PLA2G4B: variants seen among roughly 807,000 people sequenced by gnomAD.
PLA2G4B encodes the protein cytosolic phospholipase A2 beta.
In PLA2G4B, 122 loss-of-function variants were observed where a neutral mutation model predicts 95.8. The observed-to-expected ratio is 1.27, with a 90% CI of 1.10 to 1.48. PLA2G4B has a LOEUF of 1.48. Ranked by LOEUF, PLA2G4B falls within the 40% of genes most tolerant of loss-of-function variation. The pLI is 0.00. For missense variants in PLA2G4B, 1,158 were observed against 996.2 expected (o/e 1.16, Z -2.19); for synonymous variants, 518 against 421.5 (o/e 1.23, Z -2.80).
chr15:41,841,043 C>G lies in PLA2G4B; in HGVS notation c.352-12C>G. The G allele has an allele frequency of 6.4e-7, 1 of 1,572,792 alleles. No individual in the cohort carries two copies. Among genetic ancestry groups the G allele is most frequent in the Non-Finnish European group, 8.6e-7 (1 of 1,156,696 alleles). Reference sequence around the variant, plus strand: ...CTGACCCTTTCTAACTTACTTCTGGCTCTCTTCCCAGGGTGAGGGGCGCCT... The same window carrying G: ...CTGACCCTTTCTAACTTACTTCTGGGTCTCTTCCCAGGGTGAGGGGCGCCT... On this transcript the variant is annotated splice_polypyrimidine_tract_variant and intron_variant, in intron 4 of 19. Coordinates refer to ENST00000458483, the MANE Select transcript of PLA2G4B (RefSeq NM_001114633.2).
At chr15:41,840,427 TCTTAACCCACATGGGG>T (rs1171193725) in intron 2 of PLA2G4B, 81 bp from the exon 3 acceptor site, 1 of 1,603,262 alleles carries the variant, frequency 6.2e-7, no homozygotes, top group African/African-American at 1.3e-5. Flanking sequence ...TCCCCCTCAG[TCTTAACCCACATGGGG>T]CTCTAGGTGA....
At chr15:41,843,382 G>C (rs1016472004) in intron 10 of PLA2G4B, among the ~76,000 whole-genome samples, 6 of 152,172 alleles carry the variant, frequency 3.9e-5, no homozygotes, top group African/African-American at 7.2e-5. Flanking sequence ...GACTTGGAGG[G>C]GGGGGATCTA....
chr15:41,843,351 T>G, intron 10 of PLA2G4B: 3 of 241,918 alleles, frequency 1.2e-5, no homozygotes, highest in East Asian at 8.7e-5. Context: ...TTGAACTCCG[T>G]GGGTAAGGGA....
At chr15:41,843,627 T>C in intron 10 of PLA2G4B, 49 bp from the exon 11 acceptor site, 1 of 1,590,708 alleles carries the variant, frequency 6.3e-7, no homozygotes, top group South Asian at 1.1e-5. Context: ...CTTTCCATTC[T>C]CTGGGGAGGG....
chr15:41,845,006 T>G lies in PLA2G4B; in HGVS notation c.1175T>G (p.Leu392Trp), dbSNP rs1567171660. 1 of 1,606,688 alleles carries G rather than the reference T, an allele frequency of 6.2e-7. No homozygotes were observed. Residue 392 changes from leucine (L) to tryptophan (W), a missense_variant, in exon 13 of 20, where the codon TTG becomes TGG. Leu to Trp is a moderately conservative substitution (Grantham distance 61, BLOSUM62 -2). Coordinates refer to ENST00000458483, the MANE Select transcript of PLA2G4B (RefSeq NM_001114633.2). ...YRQELAERAR[L>W]GYPSCFTNLW... ...CAGGAGCTGGCCGAGCGTGCCCGCT[T>G]GGGCTACCCAAGCTGCTTCACCAAC...
rs986214833 is a variant in PLA2G4B, at chr15:41,841,646, C to T, written c.490+75C>T. Reference sequence around the variant, plus strand: ...CCCCCTTTAAGCATTGGACAATTCTCCTTGGGGCCTGAGCTTTCCCCTTAG... The same window carrying T: ...CCCCCTTTAAGCATTGGACAATTCTTCTTGGGGCCTGAGCTTTCCCCTTAG... On this transcript the variant is annotated intron_variant, in intron 7 of 19. Transcript: ENST00000458483. The T allele has an allele frequency of 2.0e-5, 32 of 1,601,504 alleles. No homozygotes were observed. The Admixed American group carries it at 3.6e-4, about 18-fold the overall frequency.
At position 41,846,793 on chromosome 15, in the gene PLA2G4B, C is replaced by T. The variant is rs1195210576; in HGVS notation, c.1905C>T (p.Asp635=). The part of the protein sequence containing the change: ...LPLLQPTRDV[D]LILSLDYNLH... Reference sequence around the variant, plus strand: ...TCCTGCAGCCCACTCGGGACGTGGACCTCATCCTGTCATTGGACTACAACC... The same window carrying T: ...TCCTGCAGCCCACTCGGGACGTGGATCTCATCCTGTCATTGGACTACAACC... The change falls in exon 18 of 20, where the codon GAC becomes GAT. Residue 635 remains aspartate, a synonymous_variant. Coordinates refer to ENST00000458483, the MANE Select transcript of PLA2G4B (RefSeq NM_001114633.2). 6 of 1,613,714 alleles carry T rather than the reference C, an allele frequency of 3.7e-6. No individual in the cohort carries two copies. In the African/African-American group the frequency reaches 5.3e-5, roughly 14 times the overall value.
intron 7 of PLA2G4B, 75 bp from the exon 8 acceptor site, chr15:41,841,744 C>G: frequency 6.3e-7 from 1 of 1,585,230 alleles, no homozygotes; most frequent in Non-Finnish European, 8.6e-7. Context: ...AGGTGCCCTC[C>G]AGGCCACGCA....
Position 41,847,719 on chromosome 15 carries a change from C to T in PLA2G4B, c.2205C>T (p.His735=), listed in dbSNP as rs781027752. The T allele has an allele frequency of 6.2e-6, 10 of 1,613,678 alleles. No homozygotes were observed. Among genetic ancestry groups the T allele is most frequent in the Non-Finnish European group, 8.5e-6 (10 of 1,180,058 alleles). Residue 735 remains histidine, a synonymous_variant, in exon 20 of 20, where the codon CAC becomes CAT. Transcript: ENST00000458483. Reference sequence around the variant, plus strand: ...TGTCTTCATCGGACTCTCCCTACCACTACACGAAGGTGACCTACAGCCAGG... The same window carrying T: ...TGTCTTCATCGGACTCTCCCTACCATTACACGAAGGTGACCTACAGCCAGG... ...VNLSSSDSPY[H]YTKVTYSQED...
At chr15:41,840,084 C>G (rs1398822148) in intron 1 of PLA2G4B, 74 bp from the exon 2 acceptor site, 2 of 1,551,856 alleles carry the variant, frequency 1.3e-6, no homozygotes, top group Non-Finnish European at 1.8e-6. Context: ...GGCACTGCTC[C>G]AGCCTCCTTT....
chr15:41,844,839 T>A lies in PLA2G4B; in HGVS notation c.1017-9T>A. ...ACAGCCCTCTGGCTTTGGCTTTGGCTTTTCCCAGGGCCTTGGCCAACCTTT... is the reference window on the plus strand; with the variant it reads ...ACAGCCCTCTGGCTTTGGCTTTGGCATTTCCCAGGGCCTTGGCCAACCTTT... On this transcript the variant is annotated splice_polypyrimidine_tract_variant and intron_variant, in intron 12 of 19. Coordinates refer to ENST00000458483, the MANE Select transcript of PLA2G4B (RefSeq NM_001114633.2). 8.7e-7 allele frequency: 1 copy of A among 1,146,714 alleles called. No homozygotes were observed. The allele number at this position is 1,146,714 out of a possible 1,614,324, so 71.0% of individuals were successfully genotyped here.
rs1466789342 is a variant in PLA2G4B at position 41,845,309 on chromosome 15, T to C, written c.1346T>C (p.Phe449Ser). The C allele has an allele frequency of 1.2e-6, 2 of 1,613,830 alleles. No homozygotes were observed. The highest frequency in any genetic ancestry group is 1.7e-6 in the Non-Finnish European group (2 of 1,179,900). The change falls in exon 14 of 20, where the codon TTT becomes TCT. Residue 449 changes from phenylalanine (F) to serine (S), a missense_variant. By Grantham distance (155) the Phe-to-Ser change is radical. Transcript: ENST00000458483. ...ACCAAAGGGCAGAGCCTGACCACTT[T>C]TGAATTTGGGGGTGAGTGGCCCAAG... is the stretch of plus-strand genomic sequence containing the variant. ...LNTKGQSLTTFEFGEWCEFSP... is the reference protein window; with the variant it reads ...LNTKGQSLTTSEFGEWCEFSP...
At chr15:41,845,816 G>C (rs1364818604) in intron 15 of PLA2G4B, 41 bp downstream of exon 15, 6 of 1,559,012 alleles carry the variant, frequency 3.8e-6, no homozygotes, top group Non-Finnish European at 5.2e-6. Context: ...GGCCGAGCAG[G>C]GAAAATGGGT....
chr15:41,847,366 G>C lies in PLA2G4B; in HGVS notation c.1977G>C (p.Gln659His). Residue 659 changes from glutamine (Q) to histidine (H), a missense_variant, in exon 19 of 20, where the codon CAG becomes CAC. By Grantham distance (24) the Gln-to-His change is conservative. Transcript: ENST00000458483. The part of the protein sequence containing the change: ...QQLQLLGRFC[Q>H]EQGIPFPPIS... ...TGCAGCTCCTGGGCCGGTTCTGCCAGGAGCAGGGGATCCCGTTCCCACCCA... is the reference window on the plus strand; with the variant it reads ...TGCAGCTCCTGGGCCGGTTCTGCCACGAGCAGGGGATCCCGTTCCCACCCA... 1 of 1,608,916 alleles carries C rather than the reference G, an allele frequency of 6.2e-7. No homozygotes were observed. Among genetic ancestry groups the C allele is most frequent in the Non-Finnish European group, 8.5e-7 (1 of 1,177,722 alleles).
At position 41,846,257 on chromosome 15, in the gene PLA2G4B, G is replaced by A. The variant is rs770058261; in HGVS notation, c.1655G>A (p.Arg552Lys). The A allele has an allele frequency of 1.9e-5, 31 of 1,613,972 alleles. No homozygotes were observed. Among genetic ancestry groups the A allele is most frequent in the Non-Finnish European group, 2.5e-5 (29 of 1,179,996 alleles). The part of the protein sequence containing the change: ...KIEEPPSTAG[R>K]IAEFFTDLLT... ...GAAGAACCACCCTCAACAGCCGGCA[G>A]GATAGCTGAGTTTTTCACCGATCTT... Residue 552 changes from arginine (R) to lysine (K), a missense_variant, in exon 17 of 20, where the codon AGG becomes AAG. Physicochemically the swap from Arg to Lys is conservative, Grantham distance 26. Coordinates refer to ENST00000458483, the MANE Select transcript of PLA2G4B (RefSeq NM_001114633.2).
At position 41,841,839 on chromosome 15, in the gene PLA2G4B, C is replaced by G; in HGVS notation, c.511C>G (p.Leu171Val). 1.2e-6 allele frequency: 2 copies of G among 1,613,582 alleles called. No homozygotes were observed. The highest frequency in any genetic ancestry group is 1.7e-6 in the Non-Finnish European group (2 of 1,179,876). Residue 171 changes from leucine (L) to valine (V), a missense_variant, in exon 8 of 20, where the codon CTT becomes GTT. Physicochemically the swap from Leu to Val is conservative, Grantham distance 32 (BLOSUM62 1). Coordinates refer to ENST00000458483, the MANE Select transcript of PLA2G4B (RefSeq NM_001114633.2). ...DQKSSEHRVQ[L>V]VVPGSCEGPQ... ...TCCAGCCTCAGAGCACAGAGTTCAG[C>G]TTGTGGTTCCTGGGTCCTGTGAGGG... is the stretch of plus-strand genomic sequence containing the variant.
chr15:41,843,686 C>G lies in PLA2G4B; in HGVS notation c.754C>G (p.Leu252Val). ...TCCTTCCCCGGCCAGACTGAGGGAG[C>G]TGGCCGTGCGACTGGGCTTCGGGCC... ...ELKKEAGLRE[L>V]AVRLGFGPCA... Residue 252 changes from leucine (L) to valine (V), a missense_variant, in exon 11 of 20, where the codon CTG (leucine) becomes GTG (valine). Transcript: ENST00000458483. 1 of 1,613,458 alleles carries G rather than the reference C, an allele frequency of 6.2e-7. No individual in the cohort carries two copies. The highest frequency in any genetic ancestry group is 8.5e-7 in the Non-Finnish European group (1 of 1,179,674).
rs772963323 is a variant in PLA2G4B at position 41,846,328 on chromosome 15, G to C, written c.1726G>C (p.Gly576Arg). The C allele has an allele frequency of 2.5e-6, 4 of 1,611,916 alleles. No individual in the cohort carries two copies. Residue 576 changes from glycine to arginine, a missense_variant, in exon 17 of 20, where the codon GGC (glycine) becomes CGC (arginine). Gly to Arg is a moderately radical substitution (Grantham distance 125). Transcript: ENST00000458483. ...LAQATHNFLR[G>R]LHFHKDYFQH... ...CCAGGCCACACATAATTTCCTGCGTGGCCTCCATTTCCACAAAGACTACTT... is the reference window on the plus strand; with the variant it reads ...CCAGGCCACACATAATTTCCTGCGTCGCCTCCATTTCCACAAAGACTACTT...
rs1209920822 is a variant in PLA2G4B, at chr15:41,844,959, C to G, written c.1128C>G (p.Pro376=). The part of the protein sequence containing the change: ...VTKNKLGVLA[P]SQLQRYRQEL... The stretch of plus-strand genomic sequence containing the variant: ...AGAACAAGCTGGGTGTGCTGGCCCC[C>G]AGCCAGCTGCAGCGGTACCGGCAGG... The change falls in exon 13 of 20, where the codon CCC becomes CCG. Residue 376 remains proline (P), a synonymous_variant. Coordinates refer to ENST00000458483, the MANE Select transcript of PLA2G4B (RefSeq NM_001114633.2). 3 of 1,611,442 alleles carry G rather than the reference C, an allele frequency of 1.9e-6. No individual in the cohort carries two copies. The highest frequency in any genetic ancestry group is 2.5e-6 in the Non-Finnish European group (3 of 1,179,040).
Sources: allele counts gnomAD v4.1 joint callset (sites outside exome capture counted in the v4.1 genomes callset), GRCh38; gene constraint gnomAD v4.1.1; transcripts MANE v1.5; gene names NCBI Gene and HGNC (gene_info 2026-07-23, HGNC 2026-07-21).